Variants in MAST4 observed in about 807,000 individuals in gnomAD.
The protein encoded by MAST4 is microtubule associated serine/threonine kinase family member 4, also known as microtubule-associated serine/threonine-protein kinase 4.
In MAST4, 89 loss-of-function variants were observed where a neutral mutation model predicts 162.7. That is an observed-to-expected ratio of 0.55 (90% CI 0.46 to 0.65). The LOEUF is 0.65. Among genes scored for constraint, MAST4 ranks in the 30% least tolerant of loss-of-function variants. MAST4 has a pLI of 0.00. For synonymous variants in MAST4, 1,479 were observed against 1,361.1 expected, an observed-to-expected ratio of 1.09 and a Z score of -1.91; for missense variants, 3,153 against 3,374.0, an observed-to-expected ratio of 0.93 and a Z score of 1.62.
At chr5:66,678,955 G>T (rs1165573311) in intron 1 of MAST4, among the ~76,000 whole-genome samples, 1 of 151,942 alleles carries the variant, frequency 6.6e-6, no homozygotes, top group Non-Finnish European at 1.5e-5. Flanking sequence ...CCATACCCTG[G>T]TAATTTTTGT....
chr5:66,614,767 G>A (rs1466344678), intron 1 of MAST4, among the ~76,000 whole-genome samples: 1 of 152,162 alleles, frequency 6.6e-6, no homozygotes, highest in Non-Finnish European at 1.5e-5. Context: ...CAGAATGCAG[G>A]TTTGGGGAGA....
In MAST4 at chr5:66,709,877, C is replaced by T. The variant is rs79559484; in HGVS notation, c.364-49832C>T. 8.1e-3 allele frequency among the ~76,000 whole-genome samples: 1,229 copies of T among 152,294 alleles called. 16 individuals carry two copies. The highest frequency in any genetic ancestry group is 0.028 in the African/African-American group (1,161 of 41,566). On this transcript the variant is annotated intron_variant, in intron 1 of 28. Coordinates refer to ENST00000403625, the MANE Select transcript of MAST4 (RefSeq NM_001164664.2). ...GGAGATTTTAAGCTTTAGAAAATGA[C>T]GTATTCCACCCAAATTTGGTGCCAT...
At chr5:67,078,189 A>G (rs1761908849) in intron 5 of MAST4, among the ~76,000 whole-genome samples, 1 of 152,124 alleles carries the variant, frequency 6.6e-6, no homozygotes, top group South Asian at 2.1e-4. Flanking sequence ...AACAGATAAA[A>G]CACCTAAAAG....
intron 5 of MAST4, among the ~76,000 whole-genome samples, chr5:67,067,839 C>T (rs1282525559): frequency 6.6e-6 from 1 of 152,150 alleles, no homozygotes; most frequent in Non-Finnish European, 1.5e-5. Flanking sequence ...AGCCCCTACC[C>T]CACCTTTGCT....
At chr5:66,650,858 C>G (rs1320103481) in intron 1 of MAST4, among the ~76,000 whole-genome samples, 6 of 152,236 alleles carry the variant, frequency 3.9e-5, no homozygotes, top group African/African-American at 1.4e-4. Context: ...AGGCTCCAAA[C>G]TGGCACATTG....
At chr5:67,146,879 A>T (rs543309922) in intron 23 of MAST4, among the ~76,000 whole-genome samples, 2 of 152,314 alleles carry the variant, frequency 1.3e-5, no homozygotes, top group South Asian at 4.1e-4. Context: ...CTCAGATCAT[A>T]TGTAGATATC....
At chr5:66,598,729 A>C (rs2149379125) in intron 1 of MAST4, among the ~76,000 whole-genome samples, 1 of 152,156 alleles carries the variant, frequency 6.6e-6, no homozygotes, top group South Asian at 2.1e-4. Flanking sequence ...GCTGGTGGAG[A>C]GTAGTTAGTT....
intron 3 of MAST4, among the ~76,000 whole-genome samples, chr5:66,812,155 A>G (rs1178920081): frequency 6.6e-6 from 1 of 152,192 alleles, no homozygotes. Flanking sequence ...AAGTCTCATT[A>G]CCACACAGCC....
rs150687487 is a variant in MAST4, at chr5:67,095,854, C to T, written c.912+179C>T. On this transcript the variant is annotated intron_variant, in intron 7 of 28. Coordinates refer to ENST00000403625, the MANE Select transcript of MAST4 (RefSeq NM_001164664.2). ...GACAAAAATAAAAAGGACATACTTTCGCTGCAAGCTTTTAAACTGTAGTGC... is the reference window on the plus strand; with the variant it reads ...GACAAAAATAAAAAGGACATACTTTTGCTGCAAGCTTTTAAACTGTAGTGC... Among the ~76,000 whole-genome samples the T allele has an allele frequency of 5.9e-3, 896 of 152,270 alleles. 6 individuals carry two copies. Among genetic ancestry groups the T allele is most frequent in the South Asian group, 0.031 (150 of 4,820 alleles).
At chr5:67,143,776 G>A (rs1770709907) in intron 21 of MAST4, among the ~76,000 whole-genome samples, 1 of 152,158 alleles carries the variant, frequency 6.6e-6, no homozygotes, top group Non-Finnish European at 1.5e-5. Flanking sequence ...GACCAGGACT[G>A]TTCTCTGGGC....
Position 66,705,984 on chromosome 5 carries a change from G to A in MAST4, c.364-53725G>A, listed in dbSNP as rs556042146. 5.4e-4 allele frequency among the ~76,000 whole-genome samples: 82 copies of A among 152,288 alleles called. No individual in the cohort carries two copies. In the South Asian group the frequency reaches 0.016, roughly 29 times the overall value. On this transcript the variant is annotated intron_variant, in intron 1 of 28. Transcript: ENST00000403625. ...TAACTTTCCCATGGTTACACATGAT[G>A]TAAATAACAGTGCTGGATTCTAAGC... is the stretch of plus-strand genomic sequence containing the variant.
chr5:66,962,909 ATTG>A (rs1221894120), intron 4 of MAST4, among the ~76,000 whole-genome samples: 1 of 152,154 alleles, frequency 6.6e-6, no homozygotes, highest in Non-Finnish European at 1.5e-5. Flanking sequence ...TATTGGTTAA[ATTG>A]TTGTACTGTA....
intron 3 of MAST4, among the ~76,000 whole-genome samples, chr5:66,883,639 G>A (rs562124130): frequency 1.3e-5 from 2 of 152,124 alleles, no homozygotes; most frequent in South Asian, 4.2e-4. Flanking sequence ...ATGTTGGTCA[G>A]GCTGGCCTCG....
At chr5:66,756,908 G>C (rs1753574041) in intron 1 of MAST4, among the ~76,000 whole-genome samples, 1 of 152,108 alleles carries the variant, frequency 6.6e-6, no homozygotes, top group African/African-American at 2.4e-5. Flanking sequence ...CACTGCCTCA[G>C]TTTTCCCAGA....
rs375748848 is a variant in MAST4, at chr5:67,165,979, G to T, written c.6800G>T (p.Gly2267Val). 1 of 1,613,402 alleles carries T rather than the reference G, an allele frequency of 6.2e-7. No homozygotes were observed. Among genetic ancestry groups the T allele is most frequent in the Non-Finnish European group, 8.5e-7 (1 of 1,179,838 alleles). Residue 2267 changes from glycine to valine, a missense_variant, in exon 29 of 29, where the codon GGA (glycine) becomes GTA (valine). Transcript: ENST00000403625. ...AAAGCCAGCGATGGGATTGGCCAGG[G>T]AGAAGGTGGGCCCTCTGTCCCACTG... is the stretch of plus-strand genomic sequence containing the variant. Reference protein sequence around the residue: ...QNKASDGIGQGEGGPSVPLHT... With the variant: ...QNKASDGIGQVEGGPSVPLHT...
intron 4 of MAST4, among the ~76,000 whole-genome samples, chr5:66,909,970 G>A (rs556945954): frequency 6.6e-6 from 1 of 152,180 alleles, no homozygotes; most frequent in Admixed American, 6.5e-5. Flanking sequence ...GGACTCTCGA[G>A]CCATGTGGAC....
intron 26 of MAST4, among the ~76,000 whole-genome samples, chr5:67,159,806 AC>A (rs1276328295): frequency 1.3e-5 from 2 of 152,288 alleles, no homozygotes; most frequent in Middle Eastern, 3.4e-3. Flanking sequence ...ACCCTGTATG[AC>A]CTGGTTAAAA....
chr5:66,677,468 A>G (rs894808736), intron 1 of MAST4, among the ~76,000 whole-genome samples: 3 of 152,196 alleles, frequency 2.0e-5, no homozygotes, highest in African/African-American at 7.2e-5. Flanking sequence ...GCATTTGCTC[A>G]AAGTTTATGC....
chr5:66,832,899 G>A (rs1055238855), intron 3 of MAST4, among the ~76,000 whole-genome samples: 1 of 152,112 alleles, frequency 6.6e-6, no homozygotes, highest in African/African-American at 2.4e-5. Flanking sequence ...GTATCCAGAT[G>A]GCAAATGAAC....
Sources: gnomAD v4.1 joint callset for allele counts (sites outside exome capture counted in the v4.1 genomes callset) on GRCh38, gnomAD v4.1.1 for gene constraint, MANE v1.5 for transcripts, NCBI Gene and HGNC (gene_info 2026-07-23, HGNC 2026-07-21) for gene names.